The following KCP variants were observed in gnomAD, a reference collection of about 807,000 sequenced individuals.
KCP encodes kielin/chordin-like protein.
Under a neutral mutation model 212.7 loss-of-function variants are expected in KCP, and 194 were observed. That is an observed-to-expected ratio of 0.91 (90% CI 0.81 to 1.03). The LOEUF (loss-of-function observed/expected upper bound fraction) is 1.03. Ranked by LOEUF, KCP falls within the 50% of genes least tolerant of loss-of-function variation. KCP has a pLI of 0.00. For synonymous variants in KCP, 833 were observed against 865.3 expected (o/e 0.96, Z 0.65); for missense variants, 2,080 against 2,162.5 (o/e 0.96, Z 0.76).
chr7:128,890,805 G>A, intron 20 of KCP, 100 bp downstream of exon 20: 2 of 1,052,006 alleles, frequency 1.9e-6, no homozygotes, highest in Non-Finnish European at 2.6e-6. Flanking sequence ...CCCCGACGTG[G>A]GCGGAGCGGG....
intron 6 of KCP, 80 bp from the exon 7 acceptor site, chr7:128,903,900 A>T: frequency 2.2e-6 from 3 of 1,364,536 alleles, no homozygotes; most frequent in Non-Finnish European, 3.1e-6. Context: ...GCACCCTCGG[A>T]GGAGGGGGGC....
At chr7:128,905,503 G>A (rs1019971071) in intron 5 of KCP, among the ~76,000 whole-genome samples, 4 of 152,148 alleles carry the variant, frequency 2.6e-5, no homozygotes, top group African/African-American at 7.2e-5. Flanking sequence ...GCCAGTCACC[G>A]GCTCCTGCCC....
chr7:128,887,314 G>A lies in KCP; in HGVS notation c.2513-14C>T. On this transcript the variant is annotated splice_polypyrimidine_tract_variant and intron_variant, in intron 22 of 39. Coordinates refer to ENST00000610776, the MANE Select transcript of KCP (RefSeq NM_001366122.1). ...GGTAGCGGCATCCTGGCAGAGCGGG[G>A]AGTCCAACAGAAGAGCTGCCATCAA... 1 of 1,547,240 alleles carries A rather than the reference G, an allele frequency of 6.5e-7. No individual in the cohort carries two copies. Among genetic ancestry groups the A allele is most frequent in the Non-Finnish European group, 8.7e-7 (1 of 1,143,736 alleles).
At chr7:128,898,252 C>T (rs1794643636) in intron 8 of KCP, among the ~76,000 whole-genome samples, 1 of 152,148 alleles carries the variant, frequency 6.6e-6, no homozygotes, top group Non-Finnish European at 1.5e-5. Context: ...GATGGGGTTT[C>T]ACCATGTTGC....
chr7:128,900,381 C>A (rs3942997), intron 8 of KCP, among the ~76,000 whole-genome samples: 152,281 of 152,320 alleles, frequency 1, 76,121 homozygotes, highest in Middle Eastern at 1. Context: ...CCAACCAGAG[C>A]TCTCTGGCTG....
intron 22 of KCP, among the ~76,000 whole-genome samples, chr7:128,888,596 C>CCACACACACACAGCCAGACA (rs1793883909): frequency 7.4e-6 from 1 of 135,082 alleles, no homozygotes; most frequent in African/African-American, 2.8e-5. Context: ...ACACACAGAG[C>CCACACACACACAGCCAGACA]CACACACACA....
chr7:128,891,865 G>A, intron 16 of KCP, 46 bp from the exon 17 acceptor site: 13 of 1,364,686 alleles, frequency 9.5e-6, no homozygotes, highest in Non-Finnish European at 1.3e-5. Flanking sequence ...AAGCCTGACA[G>A]TCCCTCCAGC....
At chr7:128,889,359 C>T (rs1323488203) in intron 21 of KCP, among the ~76,000 whole-genome samples, 1 of 152,206 alleles carries the variant, frequency 6.6e-6, no homozygotes. Flanking sequence ...AGTTTCCCAA[C>T]CCGGAGAGCT....
At chr7:128,888,289 C>T (rs1427323618) in intron 22 of KCP, among the ~76,000 whole-genome samples, 1 of 140,890 alleles carries the variant, frequency 7.1e-6, no homozygotes. Flanking sequence ...GTCACACACA[C>T]AGAGCAACAC....
chr7:128,892,858 C>A lies in KCP; in HGVS notation c.1420+11G>T, dbSNP rs79813542. On this transcript the variant is annotated intron_variant, in intron 14 of 39. Transcript: ENST00000610776. The stretch of plus-strand genomic sequence containing the variant: ...CAGGGGAAGAAAGCCAGGATCAGCC[C>A]AGGCACTCACCAGGGGGCTGGGTGG... 34,421 of 1,551,054 alleles carry A rather than the reference C, an allele frequency of 0.022. 485 individuals are homozygous for A. Among genetic ancestry groups the A allele is most frequent in the Non-Finnish European group, 0.027 (30,820 of 1,146,686 alleles).
In KCP at chr7:128,891,459, G is replaced by C. The variant is rs769900043; in HGVS notation, c.1870C>G (p.Arg624Gly). The C allele has an allele frequency of 6.4e-7, 1 of 1,550,460 alleles. No individual in the cohort carries two copies. Among genetic ancestry groups the C allele is most frequent in the Non-Finnish European group, 8.7e-7 (1 of 1,146,706 alleles). Residue 624 changes from arginine (R) to glycine (G), a missense_variant, in exon 18 of 40, where the codon CGC becomes GGC. Physicochemically the swap from Arg to Gly is moderately radical, Grantham distance 125. Coordinates refer to ENST00000610776, the MANE Select transcript of KCP (RefSeq NM_001366122.1). ...PHPSDPCRLC[R>G]CLSGNVQCLA... is the part of the protein sequence containing the mutation. ...CCCAGGTGCAGACTCACCAGACAGC[G>C]ACACAGACGGCAGGGGTCAGAGGGG...
intron 26 of KCP, 132 bp from the exon 27 acceptor site, chr7:128,885,402 G>A (rs925339979): frequency 1.0e-5 from 9 of 873,994 alleles, no homozygotes; most frequent in African/African-American, 6.7e-5. Flanking sequence ...GGGAAGGTGC[G>A]ATGGGGCAGA....
intron 37 of KCP, chr7:128,879,145 G>A (rs1049522764): frequency 1.2e-5 from 4 of 330,858 alleles, no homozygotes; most frequent in South Asian, 6.0e-5. Context: ...GGGGCAGGGG[G>A]CAAATTACTC....
At position 128,879,899 on chromosome 7, in the gene KCP, C is replaced by A. The variant is rs1793215250; in HGVS notation, c.3932+14G>T. On this transcript the variant is annotated intron_variant, in intron 35 of 39. Coordinates refer to ENST00000610776, the MANE Select transcript of KCP (RefSeq NM_001366122.1). ...GTGTAGGGGTTGGGGAGAAGAGAGA[C>A]AGGGGATGCACACCTGAAGTCCCCG... 1 of 1,551,208 alleles carries A rather than the reference C, an allele frequency of 6.4e-7. No homozygotes were observed. The highest frequency in any genetic ancestry group is 8.7e-7 in the Non-Finnish European group (1 of 1,146,968).
chr7:128,907,279 G>C lies in KCP; in HGVS notation c.394C>G (p.Leu132Val), dbSNP rs765940442. Residue 132 changes from leucine (L) to valine (V), a missense_variant, in exon 3 of 40, where the codon CTG becomes GTG. Transcript: ENST00000610776. ...GAAHCGPQAH[L>V]PHCRGCSQNG... The stretch of plus-strand genomic sequence containing the variant: ...TGGCACTTACCCCTGCAATGGGGCA[G>C]GTGTGCTTGGGGGCCACAGTGAGCG... The C allele has an allele frequency of 6.5e-7, 1 of 1,534,126 alleles. No individual in the cohort carries two copies. The highest frequency in any genetic ancestry group is 8.8e-7 in the Non-Finnish European group (1 of 1,133,142).
At chr7:128,907,217 C>CT in intron 3 of KCP, 40 bp from the exon 4 acceptor site, 1 of 1,543,952 alleles carries the variant, frequency 6.5e-7, no homozygotes, top group South Asian at 1.2e-5. Context: ...CCCATGCCAT[C>CT]TGCAGGTCTT....
chr7:128,893,980 C>A lies in KCP; in HGVS notation c.1001G>T (p.Cys334Phe), dbSNP rs762455710. Residue 334 changes from cysteine to phenylalanine, a missense_variant, in exon 10 of 40, where the codon TGT becomes TTT. Physicochemically the swap from Cys to Phe is radical, Grantham distance 205. Coordinates refer to ENST00000610776, the MANE Select transcript of KCP (RefSeq NM_001366122.1). ...GSGDPCSHCR[C>F]ANGSVQCEPL... ...CTGCCAGGCAGCCACACTCACAGCA[C>A]AGCGGCAGTGCGAGCAGGGGTCCCC... The A allele has an allele frequency of 3.9e-6, 6 of 1,550,042 alleles. No homozygotes were observed. In the African/African-American group the frequency reaches 8.2e-5, roughly 21 times the overall value.
intron 24 of KCP, 44 bp from the exon 25 acceptor site, chr7:128,886,781 G>C: frequency 6.6e-7 from 1 of 1,522,432 alleles, no homozygotes; most frequent in East Asian, 2.5e-5. Flanking sequence ...GTGCCACCCT[G>C]CCCTGCTCGG....
Position 128,879,518 on chromosome 7 carries a change from G to GCACCTGGAGCCC in KCP, c.4138_4146+3dup. On this transcript the variant is annotated splice_donor_region_variant and intron_variant, in intron 37 of 39. Transcript: ENST00000610776. ...GCCCACCCAGACTCGCCCTGGAGCC[G>GCACCTGGAGCCC]CACCTGGAGCCCGGGCTGGGCGTGC... The GCACCTGGAGCCC allele has an allele frequency of 6.5e-7, 1 of 1,547,894 alleles. No homozygotes were observed. Among genetic ancestry groups the GCACCTGGAGCCC allele is most frequent in the Non-Finnish European group, 8.7e-7 (1 of 1,145,760 alleles).
Sources: gnomAD v4.1 joint callset for allele counts (sites outside exome capture counted in the v4.1 genomes callset) on GRCh38, gnomAD v4.1.1 for gene constraint, MANE v1.5 for transcripts, NCBI Gene and HGNC (gene_info 2026-07-23, HGNC 2026-07-21) for gene names.